PC: variants seen among roughly 807,000 people sequenced by gnomAD.
The protein encoded by PC is pyruvate carboxylase, mitochondrial.
A neutral mutation model predicts 107.8 loss-of-function variants in PC; 46 were observed. The ratio of observed to expected loss-of-function variants is 0.43; its 90% CI spans 0.34 to 0.55. PC has a LOEUF of 0.55. Ranked by LOEUF, PC falls within the 20% of genes least tolerant of loss-of-function variation. The probability of loss-of-function intolerance (pLI) is 0.04; values close to 1 mark genes in which losing one functional copy is unlikely to be tolerated. For missense variants in PC, 1,241 were observed against 1,643.1 expected (o/e 0.76, Z 4.23); for synonymous variants, 662 against 684.7 (o/e 0.97, Z 0.52).
chr11:66,953,878 G>A (rs868573216), intron 2 of PC, among the ~76,000 whole-genome samples: 28 of 152,142 alleles, frequency 1.8e-4, no homozygotes, highest in Admixed American at 5.2e-4. Flanking sequence ...ATGAGAGTCC[G>A]TCATTTGTAA....
intron 3 of PC, among the ~76,000 whole-genome samples, chr11:66,936,709 A>G (rs1322967351): frequency 6.6e-6 from 1 of 152,240 alleles, no homozygotes; most frequent in African/African-American, 2.4e-5. Context: ...TAACCAAGCC[A>G]GACAGATGAC....
chr11:66,865,966 G>A (rs937097435), intron 11 of PC, among the ~76,000 whole-genome samples: 2 of 152,138 alleles, frequency 1.3e-5, no homozygotes, highest in Admixed American at 6.5e-5. Context: ...CCACCCTCAC[G>A]GCTTCCTCCT....
chr11:66,927,609 G>C lies in PC; in HGVS notation c.-1+24821C>G, dbSNP rs572743575. 5.3e-5 allele frequency among the ~76,000 whole-genome samples: 8 copies of C among 152,012 alleles called. No individual in the cohort carries two copies. In the East Asian group the frequency reaches 1.6e-3, roughly 30 times the overall value. ...CTGGTGGCAGGTGCCTGTAGTCTCAGCTACTAGGGAGGCTGAGGTAGGAGA... is the reference window on the plus strand; with the variant it reads ...CTGGTGGCAGGTGCCTGTAGTCTCACCTACTAGGGAGGCTGAGGTAGGAGA... On this transcript the variant is annotated intron_variant, in intron 3 of 22. Coordinates refer to ENST00000393960, the MANE Select transcript of PC (RefSeq NM_001040716.2).
chr11:66,899,395 T>C (rs532322426), intron 3 of PC, among the ~76,000 whole-genome samples: 3 of 152,282 alleles, frequency 2.0e-5, no homozygotes, highest in South Asian at 2.1e-4. Flanking sequence ...CATAATATTA[T>C]TGATTTTACT....
Position 66,866,838 on chromosome 11 carries a change from G to A in PC, c.1023-489C>T, listed in dbSNP as rs1946520685. Among the ~76,000 whole-genome samples, 2 of 152,160 alleles carry A rather than the reference G, an allele frequency of 1.3e-5. No individual in the cohort carries two copies. Among genetic ancestry groups the A allele is most frequent in the Non-Finnish European group, 2.9e-5 (2 of 68,032 alleles). Reference sequence around the variant, plus strand: ...GGTTGTGAGGGGGGCAGTGTGCAAGGGAACAGGTGCTGTGAAGGCTGGGCT... The same window carrying A: ...GGTTGTGAGGGGGGCAGTGTGCAAGAGAACAGGTGCTGTGAAGGCTGGGCT... On this transcript the variant is annotated intron_variant, in intron 10 of 22. Coordinates refer to ENST00000393960, the MANE Select transcript of PC (RefSeq NM_001040716.2). This position sits in a 1 kb window ranked among gnomAD's most constrained non-coding sequence, Gnocchi z 5.4.
Position 66,850,825 on chromosome 11 carries a change from G to C in PC, c.2322C>G (p.Asp774Glu), listed in dbSNP as rs753643196. The C allele has an allele frequency of 1.2e-6, 2 of 1,612,130 alleles. No homozygotes were observed. The highest frequency in any genetic ancestry group is 1.7e-6 in the Non-Finnish European group (2 of 1,180,022). The change falls in exon 18 of 23, where the codon GAC (aspartate) becomes GAG (glutamate). Residue 774 changes from aspartate to glutamate, a missense_variant. Around this residue, in one of 2 missense-constraint regions of PC, gnomAD observed 1,143 missense variants for 1,551.9 expected, o/e 0.74. Transcript: ENST00000393960. ...TGGCTGCCACGCCTGCCCCTGACGTGTCGTGGGTGTGGATGTGCAGTGGGA... is the reference window on the plus strand; with the variant it reads ...TGGCTGCCACGCCTGCCCCTGACGTCTCGTGGGTGTGGATGTGCAGTGGGA... ...PDLPLHIHTHDTSGAGVAAML... is the reference protein window; with the variant it reads ...PDLPLHIHTHETSGAGVAAML...
rs796052029 is a variant in PC at position 66,852,547 on chromosome 11, C to T, written c.1717G>A (p.Ala573Thr). The T allele has an allele frequency of 2.5e-6, 4 of 1,614,006 alleles. No individual in the cohort carries two copies. The highest frequency in any genetic ancestry group is 2.2e-5 in the East Asian group (1 of 44,886). ...CGAGTGGCCAGCAGTGACTGGTGGG[C>T]GTCCCTGAAGGTCGTGTCCATCAGC... Reference protein sequence around the residue: ...LLLMDTTFRDAHQSLLATRVR... With the variant: ...LLLMDTTFRDTHQSLLATRVR... Residue 573 changes from alanine to threonine, a missense_variant, in exon 15 of 23, where the codon GCC (alanine) becomes ACC (threonine). By Grantham distance (58) the Ala-to-Thr change is moderately conservative. Around this residue, in one of 2 missense-constraint regions of PC, gnomAD observed 1,143 missense variants for 1,551.9 expected, o/e 0.74. Transcript: ENST00000393960. The surrounding 1 kb of genome is among the most constrained non-coding windows in gnomAD (Gnocchi z 4.7).
chr11:66,903,527 G>A (rs1309120251), intron 3 of PC, among the ~76,000 whole-genome samples: 1 of 150,942 alleles, frequency 6.6e-6, no homozygotes, highest in Non-Finnish European at 1.5e-5. Context: ...ATCACCTGAG[G>A]TCAGGAGTTC....
At chr11:66,911,625 G>A (rs1948336156) in intron 3 of PC, among the ~76,000 whole-genome samples, 2 of 151,948 alleles carry the variant, frequency 1.3e-5, no homozygotes, top group Non-Finnish European at 1.5e-5. Flanking sequence ...CCTGTCTTTA[G>A]TCTAGTTAAG....
chr11:66,849,944 C>T lies in PC; in HGVS notation c.2891G>A (p.Arg964His), dbSNP rs1945372736. Residue 964 changes from arginine to histidine, a missense_variant, in exon 20 of 23, where the codon CGC (arginine) becomes CAC (histidine). Arg to His is a conservative substitution (Grantham distance 29). Coordinates refer to ENST00000393960, the MANE Select transcript of PC (RefSeq NM_001040716.2). ...ATGCTGGGCCTTCCCTACCTTAGAGCGAAAGGGTTCGGGGAACCCCCCATG... is the reference window on the plus strand; with the variant it reads ...ATGCTGGGCCTTCCCTACCTTAGAGTGAAAGGGTTCGGGGAACCCCCCATG... The part of the protein sequence containing the change: ...VPHGGFPEPF[R>H]SKVLKDLPRV... 6 of 1,613,464 alleles carry T rather than the reference C, an allele frequency of 3.7e-6. No individual in the cohort carries two copies. Among genetic ancestry groups the T allele is most frequent in the Admixed American group, 1.7e-5 (1 of 60,008 alleles).
chr11:66,926,626 A>G (rs1215573296), intron 3 of PC, among the ~76,000 whole-genome samples: 1 of 152,170 alleles, frequency 6.6e-6, no homozygotes, highest in East Asian at 1.9e-4. Flanking sequence ...AGTGGTTTTT[A>G]GCATATTTAT....
At chr11:66,864,666 G>A (rs576727798) in intron 11 of PC, among the ~76,000 whole-genome samples, 2 of 152,364 alleles carry the variant, frequency 1.3e-5, no homozygotes, top group Non-Finnish European at 1.5e-5. Flanking sequence ...AACCAAGGGC[G>A]AGGAGAGGGC....
intron 3 of PC, among the ~76,000 whole-genome samples, chr11:66,902,723 C>T (rs964832194): frequency 9.9e-5 from 15 of 152,204 alleles, no homozygotes; most frequent in African/African-American, 3.6e-4. Flanking sequence ...CTTCCTCCTC[C>T]AGCTGTATCA....
intron 3 of PC, among the ~76,000 whole-genome samples, chr11:66,887,946 G>A (rs1468313498): frequency 6.6e-6 from 1 of 152,256 alleles, no homozygotes; most frequent in Non-Finnish European, 1.5e-5. Context: ...CTCTATGGCT[G>A]CCGGGCTCCT....
At chr11:66,950,201 G>A (rs1490462132) in intron 3 of PC, among the ~76,000 whole-genome samples, 4 of 152,174 alleles carry the variant, frequency 2.6e-5, no homozygotes, top group Non-Finnish European at 5.9e-5. Flanking sequence ...CAAGAGAAAG[G>A]TGACACACAT....
intron 3 of PC, among the ~76,000 whole-genome samples, chr11:66,883,519 C>T (rs1163338255): frequency 1.8e-4 from 27 of 152,274 alleles, no homozygotes. Flanking sequence ...GTGCCCCACC[C>T]ATCGTCCTGC....
At chr11:66,915,208 G>T (rs2136079423) in intron 3 of PC, among the ~76,000 whole-genome samples, 1 of 152,262 alleles carries the variant, frequency 6.6e-6, no homozygotes, top group East Asian at 1.9e-4. Context: ...TTCACAGAGA[G>T]CACGGTGGAG....
chr11:66,856,672 G>A (rs545584260), intron 12 of PC: 16 of 152,704 alleles, frequency 1.0e-4, no homozygotes, highest in Admixed American at 7.8e-4. Flanking sequence ...GTGGGCATGT[G>A]TGGGTGTGTT....
In PC at chr11:66,941,078, T is replaced by TAA. The variant is rs56790474; in HGVS notation, c.-1+11350_-1+11351dup. ...GCAACAGAGCAAGCAAGACTCCATC[T>TAA]AAAAAAAAAAAAAAAAAAAAAAGGT... On this transcript the variant is annotated intron_variant, in intron 3 of 22. Transcript: ENST00000393960. 4.4e-3 allele frequency among the ~76,000 whole-genome samples: 367 copies of TAA among 83,684 alleles called. 5 individuals are homozygous for TAA. The highest frequency in any genetic ancestry group is 0.015 in the Middle Eastern group (2 of 130). The allele number at this position is 83,684 out of a possible 152,430, so 54.9% of individuals were successfully genotyped here. A position where few individuals can be genotyped will look rare whatever the true frequency, so the allele number is the denominator to read the frequency against.
Sources: gnomAD v4.1 joint callset for allele counts (sites outside exome capture counted in the v4.1 genomes callset) on GRCh38, gnomAD v4.1.1 for gene constraint, gnomAD v4.1.1 regional missense constraint, Gnocchi (gnomAD v3.1) non-coding constraint, MANE v1.5 for transcripts, NCBI Gene and HGNC (gene_info 2026-07-23, HGNC 2026-07-21) for gene names.